The following APBB1IP variants were observed in gnomAD, a reference collection of about 807,000 sequenced individuals.
APBB1IP encodes amyloid beta A4 precursor protein-binding family B member 1-interacting protein.
Under a neutral mutation model 64.9 loss-of-function variants are expected in APBB1IP, and 27 were observed. That is an observed-to-expected ratio of 0.42 (90% CI 0.31 to 0.57). The LOEUF (loss-of-function observed/expected upper bound fraction) is 0.57. Ranked by LOEUF, APBB1IP falls within the 20% of genes least tolerant of loss-of-function variation. The pLI, the probability that APBB1IP is intolerant of heterozygous loss-of-function variation, is 0.20. For synonymous variants in APBB1IP, 392 were observed against 331.0 expected (o/e 1.18, Z -2.00); for missense variants, 812 against 845.5 (o/e 0.96, Z 0.49).
intron 8 of APBB1IP, among the ~76,000 whole-genome samples, chr10:26,527,839 T>C (rs911007645): frequency 5.9e-5 from 9 of 151,968 alleles, no homozygotes; most frequent in Admixed American, 3.9e-4. Flanking sequence ...ATTACAGGCA[T>C]GTGCCACCAG....
At chr10:26,471,424 A>C (rs1372651199) in intron 2 of APBB1IP, among the ~76,000 whole-genome samples, 1 of 152,218 alleles carries the variant, frequency 6.6e-6, no homozygotes, top group Non-Finnish European at 1.5e-5. Context: ...CTTGCTTCCA[A>C]ATAACAGAGT....
intron 2 of APBB1IP, among the ~76,000 whole-genome samples, chr10:26,447,875 A>C (rs948271629): frequency 2.6e-5 from 4 of 152,148 alleles, no homozygotes; most frequent in Non-Finnish European, 4.4e-5. Context: ...GGCTCAAGCA[A>C]TCCTTCCACC....
intron 3 of APBB1IP, among the ~76,000 whole-genome samples, chr10:26,493,119 CG>C (rs1835978060): frequency 1.3e-5 from 2 of 152,130 alleles, no homozygotes; most frequent in African/African-American, 4.8e-5. Flanking sequence ...TACCCGTTTT[CG>C]GTAATAAGAG....
At chr10:26,465,372 A>T (rs542537908) in intron 2 of APBB1IP, among the ~76,000 whole-genome samples, 18 of 152,202 alleles carry the variant, frequency 1.2e-4, no homozygotes, top group Admixed American at 2.0e-4. Context: ...TAGCTAGTTG[A>T]CATATTCAAG....
At chr10:26,523,006 T>C (rs1176483801) in intron 8 of APBB1IP, among the ~76,000 whole-genome samples, 1 of 76,926 alleles carries the variant, frequency 1.3e-5, no homozygotes, top group Non-Finnish European at 2.2e-5. Context: ...TGAAACTCCA[T>C]CTCCAAAAAA....
In APBB1IP at chr10:26,453,507, C is replaced by T. The variant is rs554723259; in HGVS notation, c.-1+14654C>T. On this transcript the variant is annotated intron_variant, in intron 2 of 14. Coordinates refer to ENST00000376236, the MANE Select transcript of APBB1IP (RefSeq NM_019043.4). ...TCGACTAGAAGCACTGGCCTTCCTC[C>T]TCCATCCACTCATTCATCTCCTGCT... Among the ~76,000 whole-genome samples, 5 of 152,260 alleles carry T rather than the reference C, an allele frequency of 3.3e-5. No homozygotes were observed. In the East Asian group the frequency reaches 9.7e-4, roughly 29 times the overall value.
intron 13 of APBB1IP, 197 bp from the exon 14 acceptor site, chr10:26,562,129 T>C: frequency 2.1e-6 from 1 of 483,422 alleles, no homozygotes; most frequent in East Asian, 3.8e-5. Context: ...CAGATTTTTC[T>C]TAAGGTTTTG....
chr10:26,556,386 A>G (rs978391166), intron 11 of APBB1IP, among the ~76,000 whole-genome samples: 1 of 152,188 alleles, frequency 6.6e-6, no homozygotes, highest in Non-Finnish European at 1.5e-5. Context: ...CCCATTAGGT[A>G]GCTCATCTTA....
In APBB1IP at chr10:26,496,348, C is replaced by A; in HGVS notation, c.117C>A (p.Pro39=). The change falls in exon 4 of 15, where the codon CCC becomes CCA. Residue 39 remains proline (P), a synonymous_variant. Coordinates refer to ENST00000376236, the MANE Select transcript of APBB1IP (RefSeq NM_019043.4). ...TCCCTCCTCCTGACCCTAATCCACC[C>A]AGAGCTGAATTTAACTACAGTGTGG... ...DTLPPPDPNP[P]RAEFNYSVGF... is the part of the protein sequence containing the mutation. 1.2e-6 allele frequency: 2 copies of A among 1,612,890 alleles called. No individual in the cohort carries two copies. Among genetic ancestry groups the A allele is most frequent in the Non-Finnish European group, 1.7e-6 (2 of 1,179,310 alleles).
chr10:26,508,508 A>G (rs1420907279), intron 6 of APBB1IP, among the ~76,000 whole-genome samples: 1 of 152,102 alleles, frequency 6.6e-6, no homozygotes, highest in Non-Finnish European at 1.5e-5. Context: ...TAAAAGTTAT[A>G]AAATCTTTAA....
At chr10:26,547,527 C>T (rs750884847) in intron 11 of APBB1IP, among the ~76,000 whole-genome samples, 4 of 152,044 alleles carry the variant, frequency 2.6e-5, no homozygotes, top group African/African-American at 9.7e-5. Context: ...CTGCAACCTC[C>T]GCCTCTCGGG....
At chr10:26,500,797 T>C (rs1171919876) in intron 4 of APBB1IP, 22 bp from the exon 5 acceptor site, 1 of 1,593,580 alleles carries the variant, frequency 6.3e-7, no homozygotes, top group Admixed American at 1.8e-5. Context: ...TTTTATACCA[T>C]TAATGTGATT....
At chr10:26,463,311 A>C (rs1001092379) in intron 2 of APBB1IP, among the ~76,000 whole-genome samples, 1 of 152,098 alleles carries the variant, frequency 6.6e-6, no homozygotes, top group Non-Finnish European at 1.5e-5. Context: ...ATAGTGTCAC[A>C]CACTTGTAGT....
chr10:26,546,797 C>T (rs1350795685), intron 11 of APBB1IP, among the ~76,000 whole-genome samples: 1 of 152,168 alleles, frequency 6.6e-6, no homozygotes, highest in Non-Finnish European at 1.5e-5. Flanking sequence ...TATTCATCCA[C>T]TGATGGGCAT....
chr10:26,558,301 A>G (rs1172741585), intron 11 of APBB1IP, among the ~76,000 whole-genome samples: 3 of 152,160 alleles, frequency 2.0e-5, no homozygotes, highest in African/African-American at 4.8e-5. Flanking sequence ...TCGCCTGATG[A>G]CGGTGATTTC....
chr10:26,537,151 G>T (rs533285295), intron 10 of APBB1IP, among the ~76,000 whole-genome samples: 1 of 145,864 alleles, frequency 6.9e-6, no homozygotes, highest in African/African-American at 2.4e-5. Flanking sequence ...TTCTTAGAGG[G>T]TTAGGACCTT....
chr10:26,518,845 G>A (rs1323967367), intron 8 of APBB1IP, among the ~76,000 whole-genome samples: 2 of 152,252 alleles, frequency 1.3e-5, no homozygotes, highest in East Asian at 3.9e-4. Context: ...GTTCATTTCT[G>A]TCTTAGATCT....
Position 26,567,222 on chromosome 10 carries a change from C to T in APBB1IP, c.1735C>T (p.Pro579Ser). ...GCCGCCCCCGGACTTCATGGAGCCG[C>T]CCCCAGACTTCGTGCCCCCGCCCCC... ...PPPPPDFMEP[P>S]PDFVPPPPPS... The change falls in exon 15 of 15, where the codon CCC becomes TCC. Residue 579 changes from proline to serine, a missense_variant. Pro to Ser is a moderately conservative substitution (Grantham distance 74). Coordinates refer to ENST00000376236, the MANE Select transcript of APBB1IP (RefSeq NM_019043.4). The T allele has an allele frequency of 7.3e-7, 1 of 1,369,792 alleles. No homozygotes were observed. Among genetic ancestry groups the T allele is most frequent in the South Asian group, 1.5e-5 (1 of 65,378 alleles). The allele number at this position is 1,369,792 out of a possible 1,614,324, so 84.9% of individuals were successfully genotyped here.
At chr10:26,459,395 A>C (rs1461371165) in intron 2 of APBB1IP, among the ~76,000 whole-genome samples, 6 of 152,092 alleles carry the variant, frequency 3.9e-5, no homozygotes, top group Admixed American at 1.3e-4. Flanking sequence ...GCCGCAATAA[A>C]CATACGTGTC....
Sources: allele counts gnomAD v4.1 joint callset (sites outside exome capture counted in the v4.1 genomes callset), GRCh38; gene constraint gnomAD v4.1.1; transcripts MANE v1.5; gene names NCBI Gene and HGNC (gene_info 2026-07-23, HGNC 2026-07-21).